The following ZSWIM2 variants were observed in gnomAD, a reference collection of about 807,000 sequenced individuals.
ZSWIM2 encodes E3 ubiquitin-protein ligase ZSWIM2.
A neutral mutation model predicts 48.4 loss-of-function variants in ZSWIM2; 38 were observed. The observed-to-expected ratio is 0.79, with a 90% CI of 0.61 to 1.03. The LOEUF (loss-of-function observed/expected upper bound fraction) is 1.03, where lower values mean the gene tolerates loss of function less well. Among genes scored for constraint, ZSWIM2 ranks in the 50% least tolerant of loss-of-function variants. The pLI is 0.00. For missense variants in ZSWIM2, 776 were observed against 730.2 expected (o/e 1.06, Z -0.72); for synonymous variants, 240 against 251.3 (o/e 0.96, Z 0.42).
At chr2:186,837,603 AT>A in intron 4 of ZSWIM2, 49 bp from the exon 5 acceptor site, 1 of 1,153,348 alleles carries the variant, frequency 8.7e-7, no homozygotes, top group South Asian at 1.3e-5. Flanking sequence ...GCAGTTTTAC[AT>A]ATCCATTGTA....
At chr2:186,835,582 A>G (rs1691779642) in intron 5 of ZSWIM2, among the ~76,000 whole-genome samples, 1 of 152,194 alleles carries the variant, frequency 6.6e-6, no homozygotes, top group Non-Finnish European at 1.5e-5. Context: ...AAAAAAGTTA[A>G]GCATCTCTGT....
rs1438636159 is a variant in ZSWIM2, at chr2:186,828,167, A to G, written c.1719T>C (p.Leu573=). ...IREDNKRSTL[L]PEDFNLIVNW... is the part of the protein sequence containing the mutation. ...TGACAATAAGATTGAAATCCTCTGG[A>G]AGTAAAGTTGATCTCTTGTTGTCCT... is the stretch of plus-strand genomic sequence containing the variant. Residue 573 remains leucine (L), a synonymous_variant, in exon 9 of 9, where the codon CTT becomes CTC. Transcript: ENST00000295131. 6.2e-7 allele frequency: 1 copy of G among 1,613,582 alleles called. No homozygotes were observed. Among genetic ancestry groups the G allele is most frequent in the South Asian group, 1.1e-5 (1 of 91,062 alleles).
At chr2:186,836,914 C>T (rs990328631) in intron 5 of ZSWIM2, among the ~76,000 whole-genome samples, 30 of 152,036 alleles carry the variant, frequency 2.0e-4, no homozygotes, top group Non-Finnish European at 3.1e-4. Flanking sequence ...GCCCAATCTT[C>T]GGAATTTTTG....
At position 186,834,068 on chromosome 2, in the gene ZSWIM2, A is replaced by C. The variant is rs1434071817; in HGVS notation, c.744-38T>G. On this transcript the variant is annotated intron_variant, in intron 5 of 8. Coordinates refer to ENST00000295131, the MANE Select transcript of ZSWIM2 (RefSeq NM_182521.3). ...AACATCAAAACACGCAAGAAAAAAA[A>C]ATCCAATTATTGTGATGGTTTTGGG... 2.6e-6 allele frequency: 4 copies of C among 1,519,660 alleles called. No homozygotes were observed. The South Asian group carries it at 4.6e-5, about 17-fold the overall frequency. 94.1% of individuals were successfully genotyped at this position (1,519,660 alleles called of 1,614,324 possible).
At chr2:186,838,360 A>G (rs1691836795) in intron 4 of ZSWIM2, among the ~76,000 whole-genome samples, 1 of 150,986 alleles carries the variant, frequency 6.6e-6, no homozygotes, top group South Asian at 2.1e-4. Context: ...AAAAAAAAAA[A>G]GATTTGTACA....
At chr2:186,830,973 T>C (rs1462739494) in intron 7 of ZSWIM2, among the ~76,000 whole-genome samples, 1 of 152,148 alleles carries the variant, frequency 6.6e-6, no homozygotes, top group Non-Finnish European at 1.5e-5. Flanking sequence ...CAGAAATTGC[T>C]TTTACCAGGG....
At chr2:186,835,004 C>T (rs994318075) in intron 5 of ZSWIM2, among the ~76,000 whole-genome samples, 3 of 152,146 alleles carry the variant, frequency 2.0e-5, no homozygotes, top group Non-Finnish European at 4.4e-5. Flanking sequence ...ATGATGCCTT[C>T]TCAGACTACC....
chr2:186,846,456 A>T (rs1018004520), intron 2 of ZSWIM2, among the ~76,000 whole-genome samples: 11 of 151,814 alleles, frequency 7.2e-5, no homozygotes, highest in Non-Finnish European at 1.3e-4. Context: ...TGTCATAATG[A>T]CTATTATTAA....
chr2:186,830,655 A>G (rs10202588), intron 7 of ZSWIM2, among the ~76,000 whole-genome samples: 27,607 of 151,772 alleles, frequency 0.18, 3,798 homozygotes, highest in African/African-American at 0.39. Context: ...ATTTGTTTTC[A>G]TCTGGGGTAT....
rs192110637 is a variant in ZSWIM2 at position 186,846,976 on chromosome 2, T to C, written c.242+743A>G. Among the ~76,000 whole-genome samples the C allele has an allele frequency of 5.5e-3, 838 of 151,644 alleles. 13 individuals are homozygous for C. The highest frequency in any genetic ancestry group is 0.019 in the African/African-American group (786 of 41,348). ...TCAGTTGTAAGTGAAAGCTAAACAA[T>C]GGGTCACATGGACATATAGAGTGAA... On this transcript the variant is annotated intron_variant, in intron 2 of 8. Coordinates refer to ENST00000295131, the MANE Select transcript of ZSWIM2 (RefSeq NM_182521.3).
At chr2:186,834,158 A>C (rs1455162873) in intron 5 of ZSWIM2, 128 bp from the exon 6 acceptor site, 2 of 653,540 alleles carry the variant, frequency 3.1e-6, no homozygotes, top group Non-Finnish European at 5.3e-6. Context: ...CTCAAGTCAC[A>C]CTGTGTATTA....
intron 5 of ZSWIM2, among the ~76,000 whole-genome samples, chr2:186,834,897 A>G (rs926611375): frequency 1.3e-5 from 2 of 152,154 alleles, no homozygotes; most frequent in African/African-American, 4.8e-5. Flanking sequence ...CCTTAATTTC[A>G]TCTGCAACCT....
At position 186,843,424 on chromosome 2, in the gene ZSWIM2, C is replaced by T. The variant is rs115424899; in HGVS notation, c.283+1293G>A. Among the ~76,000 whole-genome samples, 716 of 151,650 alleles carry T rather than the reference C, an allele frequency of 4.7e-3. 2 individuals are homozygous for T. Among genetic ancestry groups the T allele is most frequent in the African/African-American group, 0.016 (670 of 41,452 alleles). On this transcript the variant is annotated intron_variant, in intron 3 of 8. Coordinates refer to ENST00000295131, the MANE Select transcript of ZSWIM2 (RefSeq NM_182521.3). Reference sequence around the variant, plus strand: ...AAGTGCAAAGTTCAGGCATTGGAAACAAGGAGGCTACACAGAATGGTACTA... The same window carrying T: ...AAGTGCAAAGTTCAGGCATTGGAAATAAGGAGGCTACACAGAATGGTACTA...
At position 186,828,084 on chromosome 2, in the gene ZSWIM2, A is replaced by C. The variant is rs567556379; in HGVS notation, c.1802T>G (p.Ile601Ser). 7 of 1,613,374 alleles carry C rather than the reference A, an allele frequency of 4.3e-6. No homozygotes were observed. In the African/African-American group the frequency reaches 8.0e-5, roughly 18 times the overall value. The change falls in exon 9 of 9, where the codon ATT becomes AGT. Residue 601 changes from isoleucine to serine, a missense_variant. Ile to Ser is a moderately radical substitution (Grantham distance 142). Coordinates refer to ENST00000295131, the MANE Select transcript of ZSWIM2 (RefSeq NM_182521.3). ...SKRYSNCMGE[I>S]TRKCSHLSRQ... ...TGATAGATGACTACATTTTCGTGTA[A>C]TTTCCCCCATACAGTTACTATACCT...
At chr2:186,838,737 T>C (rs1371924413) in intron 4 of ZSWIM2, among the ~76,000 whole-genome samples, 1 of 146,964 alleles carries the variant, frequency 6.8e-6, no homozygotes, top group Non-Finnish European at 1.5e-5. Context: ...ATTTATATAT[T>C]ATAGATATTA....
rs184732104 is a variant in ZSWIM2, at chr2:186,828,078, C to T, written c.1808G>A (p.Arg603Gln). The T allele has an allele frequency of 7.4e-6, 12 of 1,613,282 alleles. No homozygotes were observed. The highest frequency in any genetic ancestry group is 6.7e-5 in the Admixed American group (4 of 59,896). The change falls in exon 9 of 9, where the codon CGA becomes CAA. Residue 603 changes from arginine (R) to glutamine (Q), a missense_variant. Transcript: ENST00000295131. The part of the protein sequence containing the change: ...RYSNCMGEIT[R>Q]KCSHLSRQPV... ...CTGTCTTGATAGATGACTACATTTTCGTGTAATTTCCCCCATACAGTTACT... is the reference window on the plus strand; with the variant it reads ...CTGTCTTGATAGATGACTACATTTTTGTGTAATTTCCCCCATACAGTTACT...
intron 6 of ZSWIM2, among the ~76,000 whole-genome samples, chr2:186,833,474 C>T (rs558377485): frequency 6.6e-6 from 1 of 151,892 alleles, no homozygotes; most frequent in Non-Finnish European, 1.5e-5. Context: ...TTTATTTTAT[C>T]TTGTCTGGTA....
intron 7 of ZSWIM2, 147 bp from the exon 8 acceptor site, chr2:186,830,027 T>C: frequency 1.3e-6 from 1 of 769,712 alleles, no homozygotes; most frequent in Non-Finnish European, 2.0e-6. Flanking sequence ...TCATATATTA[T>C]AAAGTTAAAA....
chr2:186,835,537 G>C (rs998219595), intron 5 of ZSWIM2, among the ~76,000 whole-genome samples: 1 of 152,122 alleles, frequency 6.6e-6, no homozygotes, highest in Non-Finnish European at 1.5e-5. Context: ...GACAAATGGT[G>C]CCATTTATTC....
Sources: gnomAD v4.1 joint callset for allele counts (sites outside exome capture counted in the v4.1 genomes callset) on GRCh38, gnomAD v4.1.1 for gene constraint, MANE v1.5 for transcripts, NCBI Gene and HGNC (gene_info 2026-07-23, HGNC 2026-07-21) for gene names.